The following HNF4G variants were observed in gnomAD, a reference collection of about 807,000 sequenced individuals.
The protein encoded by HNF4G is hepatocyte nuclear factor 4 gamma.
A neutral mutation model predicts 50.9 loss-of-function variants in HNF4G; 21 were observed. The ratio of observed to expected loss-of-function variants is 0.41; its 90% CI spans 0.29 to 0.59. The LOEUF (loss-of-function observed/expected upper bound fraction) is 0.59. Among genes scored for constraint, HNF4G ranks in the 20% least tolerant of loss-of-function variants. HNF4G has a pLI of 0.26. For synonymous variants in HNF4G, 198 were observed against 185.6 expected (o/e 1.07, Z -0.54); for missense variants, 527 against 559.4 (o/e 0.94, Z 0.58).
At chr8:75,523,971 AAATT>A (rs1806115888) in intron 2 of HNF4G, among the ~76,000 whole-genome samples, 1 of 151,888 alleles carries the variant, frequency 6.6e-6, no homozygotes, top group Non-Finnish European at 1.5e-5. Flanking sequence ...TTTTAATTAA[AAATT>A]AATCTGCTGT....
intron 1 of HNF4G, among the ~76,000 whole-genome samples, chr8:75,466,782 C>T (rs1240869021): frequency 6.6e-6 from 1 of 151,918 alleles, no homozygotes; most frequent in Admixed American, 6.6e-5. Flanking sequence ...CTTCCAGGCT[C>T]AAGAGATCCT....
At chr8:75,498,832 C>A (rs1812850068) in intron 2 of HNF4G, among the ~76,000 whole-genome samples, 2 of 151,932 alleles carry the variant, frequency 1.3e-5, no homozygotes, top group African/African-American at 2.4e-5. Context: ...AAGCATTTTA[C>A]AAAATACAAC....
At chr8:75,456,084 G>C (rs1467207609) in intron 1 of HNF4G, among the ~76,000 whole-genome samples, 1 of 152,064 alleles carries the variant, frequency 6.6e-6, no homozygotes, top group Non-Finnish European at 1.5e-5. Context: ...TATAGCTGGG[G>C]ACGTCTTTGT....
intron 2 of HNF4G, among the ~76,000 whole-genome samples, chr8:75,525,021 G>A (rs1239783127): frequency 6.6e-6 from 1 of 152,118 alleles, no homozygotes; most frequent in Non-Finnish European, 1.5e-5. Flanking sequence ...TTTGGCAGCT[G>A]GTTCTCATTC....
chr8:75,442,035 G>A (rs830782), intron 1 of HNF4G, among the ~76,000 whole-genome samples: 127,744 of 152,206 alleles, frequency 0.84, 54,343 homozygotes, highest in African/African-American at 0.96. Flanking sequence ...CACAATGTTC[G>A]GGAAAAAAAT....
At chr8:75,432,415 C>T (rs958450909) in intron 1 of HNF4G, among the ~76,000 whole-genome samples, 3 of 152,056 alleles carry the variant, frequency 2.0e-5, no homozygotes, top group Non-Finnish European at 2.9e-5. Flanking sequence ...CTCCTGGGTT[C>T]AAGCGATTCT....
At chr8:75,469,652 C>G (rs1336194543) in intron 1 of HNF4G, among the ~76,000 whole-genome samples, 1 of 152,146 alleles carries the variant, frequency 6.6e-6, no homozygotes, top group Non-Finnish European at 1.5e-5. Context: ...AATCTACAGA[C>G]AGTTTTTCCT....
At chr8:75,537,488 T>C (rs949470659), upstream of HNF4G, among the ~76,000 whole-genome samples, 9 of 152,050 alleles carry the variant, frequency 5.9e-5, no homozygotes, top group African/African-American at 1.9e-4. Context: ...TCAAGCAATC[T>C]ACTTGCCTTG....
At chr8:75,452,026 G>A (rs1223080651) in intron 1 of HNF4G, among the ~76,000 whole-genome samples, 2 of 152,090 alleles carry the variant, frequency 1.3e-5, no homozygotes, top group Non-Finnish European at 2.9e-5. Flanking sequence ...TTAGTTCCAT[G>A]GCTTCACTGA....
In HNF4G at chr8:75,457,880, A is replaced by G. The variant is rs539413967; in HGVS notation, c.-143-32209A>G. The stretch of plus-strand genomic sequence containing the variant: ...TGTGCGTGTGTGTGTGTATGTTTAT[A>G]TTGTGAGGAGTGAGATGATGGTCCT... On this transcript the variant is annotated intron_variant, in intron 1 of 10. Coordinates refer to the HNF4G transcript ENST00000354370. Among the ~76,000 whole-genome samples the G allele has an allele frequency of 3.9e-5, 6 of 152,178 alleles. No homozygotes were observed. In the South Asian group the frequency reaches 1.2e-3, roughly 32 times the overall value.
At chr8:75,479,266 A>C (rs1812316152) in intron 1 of HNF4G, among the ~76,000 whole-genome samples, 1 of 152,234 alleles carries the variant, frequency 6.6e-6, no homozygotes, top group African/African-American at 2.4e-5. Flanking sequence ...CCTTGAAGTT[A>C]GTGGATTCGT....
chr8:75,463,862 C>A (rs61373114), intron 1 of HNF4G, among the ~76,000 whole-genome samples: 1 of 151,396 alleles, frequency 6.6e-6, no homozygotes, highest in Non-Finnish European at 1.5e-5. Flanking sequence ...ACACTCTCCA[C>A]CTCCTGGGTT....
At chr8:75,553,250 A>G (rs1305498069) in intron 5 of HNF4G, 53 bp downstream of exon 5, 4 of 1,439,454 alleles carry the variant, frequency 2.8e-6, no homozygotes, top group Non-Finnish European at 2.9e-6. Flanking sequence ...GAACTTTGCT[A>G]AGTTTATGTT....
intron 3 of HNF4G, among the ~76,000 whole-genome samples, chr8:75,549,944 AT>A (rs1403581628): frequency 1.3e-5 from 2 of 152,074 alleles, no homozygotes; most frequent in Non-Finnish European, 2.9e-5. Context: ...TGAACTCATC[AT>A]TTTTTATGGC....
At chr8:75,506,334 T>C (rs1326760636) in intron 2 of HNF4G, among the ~76,000 whole-genome samples, 1 of 151,982 alleles carries the variant, frequency 6.6e-6, no homozygotes, top group African/African-American at 2.4e-5. Context: ...TACAAGCAGA[T>C]TTAGTAATTA....
chr8:75,480,524 T>A (rs562230191), intron 1 of HNF4G, among the ~76,000 whole-genome samples: 1 of 152,222 alleles, frequency 6.6e-6, no homozygotes, highest in Non-Finnish European at 1.5e-5. Flanking sequence ...CCAACTTTAT[T>A]AATTTTTTGT....
At chr8:75,545,911 A>G (rs1020665516) in intron 2 of HNF4G, among the ~76,000 whole-genome samples, 2 of 151,948 alleles carry the variant, frequency 1.3e-5, no homozygotes, top group East Asian at 1.9e-4. Context: ...GTTTTTGTCA[A>G]TCTGGTCCTC....
chr8:75,544,363 C>A (rs1806710084), intron 2 of HNF4G, among the ~76,000 whole-genome samples: 2 of 152,032 alleles, frequency 1.3e-5, no homozygotes, highest in Admixed American at 1.3e-4. Flanking sequence ...TGTTCATATA[C>A]CTCTAAACAT....
chr8:75,427,083 A>G (rs975529642), intron 1 of HNF4G, among the ~76,000 whole-genome samples: 1 of 152,138 alleles, frequency 6.6e-6, no homozygotes, highest in East Asian at 1.9e-4. Context: ...GTGAGGTGAT[A>G]ATAAGTAATC....
Sources: gnomAD v4.1 joint callset for allele counts (sites outside exome capture counted in the v4.1 genomes callset) on GRCh38, gnomAD v4.1.1 for gene constraint, MANE v1.5 for transcripts, NCBI Gene and HGNC (gene_info 2026-07-23, HGNC 2026-07-21) for gene names.